SBF2: variants seen among roughly 807,000 people sequenced by gnomAD.
SBF2 encodes SET binding factor 2.
Under a neutral mutation model 225.2 loss-of-function variants are expected in SBF2, and 112 were observed. That is an observed-to-expected ratio of 0.50 (90% CI 0.43 to 0.58). SBF2 has a LOEUF of 0.58. Ranked by LOEUF, SBF2 falls within the 20% of genes least tolerant of loss-of-function variation. The probability of loss-of-function intolerance (pLI) is 0.00; values close to 1 mark genes in which losing one functional copy is unlikely to be tolerated. For synonymous variants in SBF2, 763 were observed against 773.3 expected, an observed-to-expected ratio of 0.99 and a Z score of 0.22; for missense variants, 1,996 against 2,206.2, an observed-to-expected ratio of 0.90 and a Z score of 1.91.
At chr11:10,236,159 C>T (rs1236970530) in intron 1 of SBF2, among the ~76,000 whole-genome samples, 2 of 152,034 alleles carry the variant, frequency 1.3e-5, no homozygotes, top group East Asian at 3.9e-4. Context: ...TCTGAAATAA[C>T]GTTCGATTTA....
At chr11:10,238,272 G>A (rs1959158924) in intron 1 of SBF2, among the ~76,000 whole-genome samples, 1 of 151,980 alleles carries the variant, frequency 6.6e-6, no homozygotes, top group Non-Finnish European at 1.5e-5. Flanking sequence ...AGCTGGGTGT[G>A]GTGGCGCACA....
chr11:10,183,869 G>A (rs984513277), intron 2 of SBF2, among the ~76,000 whole-genome samples: 1 of 152,180 alleles, frequency 6.6e-6, no homozygotes, highest in African/African-American at 2.4e-5. Context: ...GGAAGAGATT[G>A]GTTAACAGAC....
At chr11:10,015,855 T>C (rs756013224) in intron 6 of SBF2, among the ~76,000 whole-genome samples, 1 of 152,060 alleles carries the variant, frequency 6.6e-6, no homozygotes, top group Non-Finnish European at 1.5e-5. Context: ...CAGGCTGTAG[T>C]GCAATGGCAC....
intron 17 of SBF2, among the ~76,000 whole-genome samples, chr11:9,894,482 A>G (rs1861083943): frequency 6.6e-6 from 1 of 151,840 alleles, no homozygotes; most frequent in Non-Finnish European, 1.5e-5. Flanking sequence ...GCGCCACTAC[A>G]CTCTAGCCTG....
intron 1 of SBF2, among the ~76,000 whole-genome samples, chr11:10,219,449 T>C (rs1958259141): frequency 6.6e-6 from 1 of 152,186 alleles, no homozygotes; most frequent in South Asian, 2.1e-4. Flanking sequence ...GGATCTGTGA[T>C]GGGAGGGACT....
chr11:9,813,760 G>A (rs981597005), intron 29 of SBF2, among the ~76,000 whole-genome samples: 2 of 152,030 alleles, frequency 1.3e-5, no homozygotes, highest in Non-Finnish European at 2.9e-5. Flanking sequence ...TGGCCAACAC[G>A]GTGAAATCCC....
intron 13 of SBF2, among the ~76,000 whole-genome samples, chr11:9,973,809 A>G (rs1411020703): frequency 3.3e-5 from 5 of 152,248 alleles, no homozygotes; most frequent in Non-Finnish European, 7.3e-5. Context: ...GGAAATTCAA[A>G]GTAGGCAACA....
intron 1 of SBF2, among the ~76,000 whole-genome samples, chr11:10,226,938 C>T (rs1484981902): frequency 6.6e-6 from 1 of 152,182 alleles, no homozygotes; most frequent in Admixed American, 6.5e-5. Flanking sequence ...TACAGTCCCA[C>T]CAACAGTATA....
At chr11:9,890,860 G>A (rs969543314) in intron 17 of SBF2, among the ~76,000 whole-genome samples, 1 of 152,198 alleles carries the variant, frequency 6.6e-6, no homozygotes, top group Non-Finnish European at 1.5e-5. Flanking sequence ...GCAGCCGGGT[G>A]TGGTGGCTCA....
chr11:9,974,852 T>C (rs112238473), intron 13 of SBF2, among the ~76,000 whole-genome samples: 30,410 of 146,736 alleles, frequency 0.21, 3,944 homozygotes, highest in Non-Finnish European at 0.3. Flanking sequence ...CCCAGCTACT[T>C]GGGAGGCTGA....
chr11:9,808,315 C>T, intron 31 of SBF2, 130 bp from the exon 32 acceptor site: 1 of 778,816 alleles, frequency 1.3e-6, no homozygotes, highest in South Asian at 1.5e-5. Flanking sequence ...GTTCACTAAC[C>T]ATTCCAGGAT....
intron 28 of SBF2, among the ~76,000 whole-genome samples, chr11:9,827,776 TCTC>T (rs1855156404): frequency 2.0e-5 from 3 of 152,168 alleles, no homozygotes; most frequent in Admixed American, 2.0e-4. Flanking sequence ...TGGAATCACT[TCTC>T]CTTAACTATC....
chr11:10,192,416 C>T lies in SBF2; in HGVS notation c.141+1486G>A, dbSNP rs757133825. Among the ~76,000 whole-genome samples the T allele has an allele frequency of 3.3e-5, 5 of 152,020 alleles. No homozygotes were observed. In the South Asian group the frequency reaches 6.2e-4, roughly 19 times the overall value. On this transcript the variant is annotated intron_variant, in intron 2 of 39. Coordinates refer to ENST00000256190, the MANE Select transcript of SBF2 (RefSeq NM_030962.4). ...AAAACTGGACAGTTATTAGCTACGA[C>T]GAGAAAATTTACAATTTTCAATACA...
At chr11:9,899,509 A>AAG (rs1348777090) in intron 16 of SBF2, among the ~76,000 whole-genome samples, 3 of 151,242 alleles carry the variant, frequency 2.0e-5, no homozygotes, top group African/African-American at 7.3e-5. Flanking sequence ...GTCAAAAAAA[A>AAG]AAAAAAGCCA....
At chr11:9,811,491 G>A (rs904815724) in intron 30 of SBF2, among the ~76,000 whole-genome samples, 1 of 152,178 alleles carries the variant, frequency 6.6e-6, no homozygotes. Flanking sequence ...TCAGAAACAT[G>A]GATAGATAAG....
At chr11:10,145,970 C>T (rs1954865819) in intron 2 of SBF2, among the ~76,000 whole-genome samples, 1 of 152,078 alleles carries the variant, frequency 6.6e-6, no homozygotes, top group South Asian at 2.1e-4. Flanking sequence ...CAGTTCCATT[C>T]ACAATTGCCA....
intron 3 of SBF2, among the ~76,000 whole-genome samples, chr11:10,031,779 G>A (rs1949269528): frequency 6.6e-6 from 1 of 152,168 alleles, no homozygotes; most frequent in Non-Finnish European, 1.5e-5. Context: ...GTCTTGCTCT[G>A]TTGCCCAGGC....
intron 16 of SBF2, among the ~76,000 whole-genome samples, chr11:9,938,107 C>T (rs1025255193): frequency 1.3e-5 from 2 of 151,818 alleles, no homozygotes; most frequent in African/African-American, 2.4e-5. Flanking sequence ...CTGGTTAACA[C>T]AGTGAAACCC....
intron 16 of SBF2, among the ~76,000 whole-genome samples, chr11:9,956,370 A>G (rs906474538): frequency 6.6e-6 from 1 of 152,204 alleles, no homozygotes. Context: ...TTTCTAAAGT[A>G]GCTATACCAA....
Sources: gnomAD v4.1 joint callset for allele counts (sites outside exome capture counted in the v4.1 genomes callset) on GRCh38, gnomAD v4.1.1 for gene constraint, MANE v1.5 for transcripts, NCBI Gene and HGNC (gene_info 2026-07-23, HGNC 2026-07-21) for gene names.